Variants in NPAS3 observed in about 807,000 individuals in gnomAD.
NPAS3 encodes neuronal PAS domain protein 3, also known as neuronal PAS domain-containing protein 3.
Under a neutral mutation model 73.1 loss-of-function variants are expected in NPAS3, and 14 were observed. The observed-to-expected ratio is 0.19, with a 90% CI of 0.13 to 0.30. NPAS3 has a LOEUF of 0.30. Among genes scored for constraint, NPAS3 ranks in the 10% least tolerant of loss-of-function variants. The pLI, the probability that NPAS3 is intolerant of heterozygous loss-of-function variation, is 1.00. For missense variants in NPAS3, 1,096 were observed against 1,250.0 expected, an observed-to-expected ratio of 0.88 and a Z score of 1.86; for synonymous variants, 620 against 541.5, an observed-to-expected ratio of 1.14 and a Z score of -2.01.
intron 1 of NPAS3, among the ~76,000 whole-genome samples, chr14:32,947,200 A>G (rs573523847): frequency 6.2e-4 from 94 of 152,154 alleles, no homozygotes; most frequent in Non-Finnish European, 1.2e-3. Context: ...GAATATAGCT[A>G]TAATTAACAC....
At chr14:33,706,347 G>A (rs573984324) in intron 6 of NPAS3, among the ~76,000 whole-genome samples, 1 of 152,216 alleles carries the variant, frequency 6.6e-6, no homozygotes, top group South Asian at 2.1e-4. Context: ...TCCATGTAAG[G>A]GATTATGAAT....
intron 5 of NPAS3, among the ~76,000 whole-genome samples, chr14:33,668,507 G>A (rs2059519880): frequency 6.6e-6 from 1 of 152,134 alleles, no homozygotes; most frequent in South Asian, 2.1e-4. Flanking sequence ...TCCTAATCCA[G>A]TTACCTTTCT....
At chr14:33,612,803 G>T (rs1475684763) in intron 5 of NPAS3, among the ~76,000 whole-genome samples, 1 of 152,140 alleles carries the variant, frequency 6.6e-6, no homozygotes, top group Non-Finnish European at 1.5e-5. Flanking sequence ...ATAGAAACAT[G>T]TGTATCCTAG....
rs148679137 is a variant in NPAS3, at chr14:33,237,176, G to A, written c.385+21750G>A. On this transcript the variant is annotated intron_variant, in intron 3 of 11. Coordinates refer to ENST00000356141, the Ensembl canonical transcript of NPAS3. The stretch of plus-strand genomic sequence containing the variant: ...ATTGAATCTTTACTATAGAAATGGA[G>A]TGTGGTTACTTAACACTTTAAAGAC... 1.1e-4 allele frequency among the ~76,000 whole-genome samples: 16 copies of A among 152,178 alleles called. No homozygotes were observed. The East Asian group carries it at 2.7e-3, about 26-fold the overall frequency.
At chr14:33,498,992 T>C (rs1181617104) in intron 4 of NPAS3, among the ~76,000 whole-genome samples, 1 of 74,744 alleles carries the variant, frequency 1.3e-5, no homozygotes, top group Non-Finnish European at 2.9e-5. Flanking sequence ...GTGTGTGTGG[T>C]GGGAAGGGGG....
chr14:33,552,548 C>T (rs775094853), intron 4 of NPAS3, among the ~76,000 whole-genome samples: 6 of 152,044 alleles, frequency 3.9e-5, no homozygotes, highest in Admixed American at 6.6e-5. Context: ...ATATATAATA[C>T]GTGTAACAGC....
At chr14:33,622,863 A>T (rs1466467603) in intron 5 of NPAS3, among the ~76,000 whole-genome samples, 1 of 152,240 alleles carries the variant, frequency 6.6e-6, no homozygotes, top group Non-Finnish European at 1.5e-5. Flanking sequence ...GAATGCATTA[A>T]GTAATTCTAC....
intron 2 of NPAS3, among the ~76,000 whole-genome samples, chr14:33,186,137 ACTTTG>A (rs2045966410): frequency 1.3e-5 from 2 of 152,152 alleles, no homozygotes; most frequent in African/African-American, 4.8e-5. Context: ...TTCATTTTTA[ACTTTG>A]CTTTGCAAAT....
At chr14:33,760,477 G>A (rs762062813) in intron 7 of NPAS3, among the ~76,000 whole-genome samples, 11 of 152,132 alleles carry the variant, frequency 7.2e-5, no homozygotes, top group Non-Finnish European at 1.3e-4. Flanking sequence ...ACATGATACA[G>A]GATCATTTGG....
intron 5 of NPAS3, among the ~76,000 whole-genome samples, chr14:33,562,918 C>CACACACACACA (rs1595160661): frequency 7.9e-5 from 12 of 151,628 alleles, no homozygotes. Flanking sequence ...CACACACACA[C>CACACACACACA]CCTTAATCAA....
intron 2 of NPAS3, among the ~76,000 whole-genome samples, chr14:33,095,017 T>G (rs530595110): frequency 3.3e-5 from 5 of 152,318 alleles, no homozygotes; most frequent in African/African-American, 1.2e-4. Flanking sequence ...AATTGTAGAA[T>G]TACCATTTTT....
intron 3 of NPAS3, among the ~76,000 whole-genome samples, chr14:33,339,892 T>C (rs377544682): frequency 2.9e-5 from 4 of 138,748 alleles, no homozygotes; most frequent in African/African-American, 7.4e-5. Context: ...ATATGACACA[T>C]AAAATATAAT....
intron 1 of NPAS3, among the ~76,000 whole-genome samples, chr14:32,950,749 C>T (rs1264259725): frequency 6.6e-6 from 1 of 152,056 alleles, no homozygotes; most frequent in Non-Finnish European, 1.5e-5. Flanking sequence ...TGAGACATAG[C>T]CCTTTTTACG....
chr14:33,010,583 G>GAT (rs2039153839), intron 1 of NPAS3, among the ~76,000 whole-genome samples: 4 of 152,136 alleles, frequency 2.6e-5, no homozygotes, highest in Non-Finnish European at 5.9e-5. Flanking sequence ...TAAGAATTAA[G>GAT]TTCCTATGAG....
chr14:33,455,912 C>T (rs2050002506), intron 4 of NPAS3, among the ~76,000 whole-genome samples: 1 of 152,168 alleles, frequency 6.6e-6, no homozygotes, highest in Non-Finnish European at 1.5e-5. Flanking sequence ...AAGAAGAAAG[C>T]ATTTAAACTA....
At chr14:32,935,079 T>A, upstream of NPAS3, 1 of 884,648 alleles carries the variant, frequency 1.1e-6, no homozygotes, top group Non-Finnish European at 1.5e-6. Flanking sequence ...GCCTCCTGTT[T>A]TGTGTCTTAC....
chr14:33,110,367 A>G (rs545008228), intron 2 of NPAS3, among the ~76,000 whole-genome samples: 1 of 152,262 alleles, frequency 6.6e-6, no homozygotes, highest in African/African-American at 2.4e-5. Flanking sequence ...TATTTAAAAG[A>G]AGGTTTCCAG....
At chr14:33,794,987 A>G (rs536822186) in intron 10 of NPAS3, among the ~76,000 whole-genome samples, 1 of 152,314 alleles carries the variant, frequency 6.6e-6, no homozygotes, top group Non-Finnish European at 1.5e-5. Flanking sequence ...GGTCTTGGGA[A>G]TGGAAGTTGG....
intron 4 of NPAS3, among the ~76,000 whole-genome samples, chr14:33,448,236 A>G (rs1283203737): frequency 6.6e-6 from 1 of 152,212 alleles, no homozygotes; most frequent in Non-Finnish European, 1.5e-5. Flanking sequence ...GGTTGTAGTA[A>G]AAGTCATGCA....
Sources: allele counts gnomAD v4.1 joint callset (sites outside exome capture counted in the v4.1 genomes callset), GRCh38; gene constraint gnomAD v4.1.1; transcripts MANE v1.5; gene names NCBI Gene and HGNC (gene_info 2026-07-23, HGNC 2026-07-21).